CDH13: variants seen among roughly 807,000 people sequenced by gnomAD.
CDH13 encodes cadherin-13.
Under a neutral mutation model 63.8 loss-of-function variants are expected in CDH13, and 24 were observed. The observed-to-expected ratio is 0.38, with a 90% CI of 0.27 to 0.53. The LOEUF is 0.53. Ranked by LOEUF, CDH13 falls within the 20% of genes least tolerant of loss-of-function variation. The pLI, the probability that CDH13 is intolerant of heterozygous loss-of-function variation, is 0.85. For synonymous variants in CDH13, 503 were observed against 355.3 expected, an observed-to-expected ratio of 1.42 and a Z score of -4.67; for missense variants, 1,049 against 903.1, an observed-to-expected ratio of 1.16 and a Z score of -2.07.
chr16:83,174,088 T>A (rs531581174), intron 4 of CDH13, among the ~76,000 whole-genome samples: 1 of 152,240 alleles, frequency 6.6e-6, no homozygotes, highest in African/African-American at 2.4e-5. Context: ...GCCTTGAGGC[T>A]GGTCAGTATG....
chr16:82,706,128 C>G (rs2031472867), intron 1 of CDH13, among the ~76,000 whole-genome samples: 1 of 152,014 alleles, frequency 6.6e-6, no homozygotes, highest in South Asian at 2.1e-4. Flanking sequence ...CTCTCCTCCC[C>G]ATCTTCTTTC....
chr16:83,419,709 C>T (rs1049293606), intron 6 of CDH13, among the ~76,000 whole-genome samples: 24 of 152,266 alleles, frequency 1.6e-4, no homozygotes, highest in African/African-American at 5.3e-4. Context: ...ACAAGTTGCC[C>T]CAAGGCATTC....
At chr16:83,250,949 T>C (rs4782525) in intron 5 of CDH13, among the ~76,000 whole-genome samples, 88,640 of 151,954 alleles carry the variant, frequency 0.58, 26,175 homozygotes, top group Middle Eastern at 0.7. Context: ...TGTTTAAACA[T>C]TGGGGGAAGA....
At chr16:83,506,026 A>T (rs143737519) in intron 7 of CDH13, among the ~76,000 whole-genome samples, 3 of 152,244 alleles carry the variant, frequency 2.0e-5, no homozygotes, top group African/African-American at 7.2e-5. Context: ...GGGAATGGGT[A>T]GAAGTGGAAT....
At chr16:83,703,583 T>A (rs72797248) in intron 10 of CDH13, among the ~76,000 whole-genome samples, 13,553 of 152,284 alleles carry the variant, frequency 0.089, 866 homozygotes, top group Non-Finnish European at 0.14. Context: ...GAATAAAATG[T>A]CTAAGGATAG....
At chr16:82,984,327 TG>T (rs1346324377) in intron 2 of CDH13, among the ~76,000 whole-genome samples, 1 of 152,226 alleles carries the variant, frequency 6.6e-6, no homozygotes, top group African/African-American at 2.4e-5. Flanking sequence ...GGAAATGTGT[TG>T]TGCTATCAGA....
At position 83,798,291 on chromosome 16, in the gene CDH13, T is replaced by A. The variant is rs1044830884; in HGVS notation, c.*3261T>A. The A allele has an allele frequency of 1.3e-5, 2 of 152,236 alleles. No homozygotes were observed. Among genetic ancestry groups the A allele is most frequent in the Admixed American group, 1.3e-4 (2 of 15,282 alleles). 9.4% of individuals were successfully genotyped at this position (152,236 alleles called of 1,614,324 possible). ...AGTCTGTGTTTGATCCTGGATTTAG[T>A]GCAGTTGCACCCAGGCACGAGCTCT... On this transcript the variant is annotated 3_prime_UTR_variant, in exon 14 of 14. Coordinates refer to ENST00000567109, the MANE Select transcript of CDH13 (RefSeq NM_001257.5).
chr16:83,450,814 G>C (rs1263866585), intron 6 of CDH13, among the ~76,000 whole-genome samples: 1 of 152,186 alleles, frequency 6.6e-6, no homozygotes, highest in East Asian at 1.9e-4. Context: ...AGCTTGCCGT[G>C]AGCCGAGATG....
chr16:82,967,668 G>C (rs1908057886), intron 2 of CDH13, among the ~76,000 whole-genome samples: 1 of 151,518 alleles, frequency 6.6e-6, no homozygotes, highest in African/African-American at 2.4e-5. Context: ...GACCCCCCCA[G>C]CCTGCTTTCA....
At chr16:82,936,932 G>A (rs1421914705) in intron 2 of CDH13, among the ~76,000 whole-genome samples, 1 of 152,118 alleles carries the variant, frequency 6.6e-6, no homozygotes, top group African/African-American at 2.4e-5. Context: ...CAAGAGTGGA[G>A]ATACTCCTTT....
chr16:82,780,662 A>G (rs1321143333), intron 1 of CDH13, among the ~76,000 whole-genome samples: 1 of 152,232 alleles, frequency 6.6e-6, no homozygotes, highest in Non-Finnish European at 1.5e-5. Context: ...GGTTTAATAA[A>G]CTTACATTAG....
intron 8 of CDH13, among the ~76,000 whole-genome samples, chr16:83,655,950 T>A (rs1352190880): frequency 6.6e-6 from 1 of 152,058 alleles, no homozygotes; most frequent in Non-Finnish European, 1.5e-5. Flanking sequence ...TCCACCAAGG[T>A]TGGTAGGGGT....
At chr16:83,220,843 A>C (rs2039679396) in intron 5 of CDH13, among the ~76,000 whole-genome samples, 1 of 152,208 alleles carries the variant, frequency 6.6e-6, no homozygotes, top group African/African-American at 2.4e-5. Flanking sequence ...TTTGTATGAT[A>C]AGAAATAATC....
intron 5 of CDH13, among the ~76,000 whole-genome samples, chr16:83,327,125 C>T (rs1273048264): frequency 6.6e-6 from 1 of 152,206 alleles, no homozygotes; most frequent in African/African-American, 2.4e-5. Context: ...GGAATCACTT[C>T]AGTGAGCTAG....
At chr16:83,423,664 A>G (rs1199906209) in intron 6 of CDH13, among the ~76,000 whole-genome samples, 5 of 152,230 alleles carry the variant, frequency 3.3e-5, no homozygotes, top group Admixed American at 6.5e-5. Context: ...AGCAATCATG[A>G]TCATATGTCT....
chr16:83,767,345 T>G lies in CDH13; in HGVS notation c.1682-12623T>G, dbSNP rs535408905. Among the ~76,000 whole-genome samples the G allele has an allele frequency of 2.0e-5, 3 of 152,298 alleles. No individual in the cohort carries two copies. The South Asian group carries it at 6.2e-4, about 32-fold the overall frequency. ...GGCAGTTTTCCCCGTACTGTTCTTA[T>G]GGTAGCGAATAAGTCTCAAGAGATC... On this transcript the variant is annotated intron_variant, in intron 11 of 13. Coordinates refer to ENST00000567109, the MANE Select transcript of CDH13 (RefSeq NM_001257.5).
intron 6 of CDH13, among the ~76,000 whole-genome samples, chr16:83,412,430 C>G (rs1008464432): frequency 4.9e-4 from 75 of 152,186 alleles, no homozygotes; most frequent in African/African-American, 1.6e-3. Context: ...GCAATGCACT[C>G]CAGCCTGGGT....
chr16:83,122,705 A>G (rs2035637426), intron 3 of CDH13, among the ~76,000 whole-genome samples: 1 of 151,936 alleles, frequency 6.6e-6, no homozygotes. Context: ...ATTTTTTTTG[A>G]AGACTCTTAA....
chr16:82,781,570 A>G (rs1291541253), intron 1 of CDH13, among the ~76,000 whole-genome samples: 1 of 151,738 alleles, frequency 6.6e-6, no homozygotes. Flanking sequence ...CCATCCATCC[A>G]CCCACCTACC....
Sources: allele counts gnomAD v4.1 joint callset (sites outside exome capture counted in the v4.1 genomes callset), GRCh38; gene constraint gnomAD v4.1.1; transcripts MANE v1.5; gene names NCBI Gene and HGNC (gene_info 2026-07-23, HGNC 2026-07-21).